ARHGAP35: variants seen among roughly 807,000 people sequenced by gnomAD.
The protein encoded by ARHGAP35 is rho GTPase-activating protein 35.
ARHGAP35 carries 15 observed loss-of-function variants against 111.1 expected under a neutral mutation model. The ratio of observed to expected loss-of-function variants is 0.13; its 90% CI spans 0.09 to 0.21. The LOEUF (loss-of-function observed/expected upper bound fraction) is 0.21. Among genes scored for constraint, ARHGAP35 ranks in the 10% least tolerant of loss-of-function variants. The pLI is 1.00. For synonymous variants in ARHGAP35, 643 were observed against 710.3 expected (o/e 0.91, Z 1.51); for missense variants, 1,262 against 1,873.0 (o/e 0.67, Z 6.02).
intron 1 of ARHGAP35, among the ~76,000 whole-genome samples, chr19:46,912,356 C>CT (rs910736508): frequency 3.3e-4 from 47 of 142,298 alleles, no homozygotes; most frequent in Middle Eastern, 4.2e-3. Flanking sequence ...TGTTCTCTTC[C>CT]TTTTTTTTTT....
chr19:46,912,941 T>C (rs1288035432), intron 1 of ARHGAP35, among the ~76,000 whole-genome samples: 3 of 152,128 alleles, frequency 2.0e-5, no homozygotes, highest in Non-Finnish European at 4.4e-5. Context: ...GAATGCTTTT[T>C]TGCTTTCTGT....
intron 3 of ARHGAP35, among the ~76,000 whole-genome samples, chr19:46,982,547 G>C (rs902173598): frequency 6.6e-6 from 1 of 151,906 alleles, no homozygotes; most frequent in Admixed American, 6.6e-5. Context: ...TTTTCATGCT[G>C]TTTGGAAGTG....
intron 3 of ARHGAP35, among the ~76,000 whole-genome samples, chr19:46,972,501 CTT>C (rs2056556224): frequency 6.6e-6 from 1 of 152,312 alleles, no homozygotes; most frequent in South Asian, 2.1e-4. Flanking sequence ...TTTCTTTAGA[CTT>C]AGGCGTGCGG....
chr19:46,967,018 G>A (rs1289228250), intron 3 of ARHGAP35, among the ~76,000 whole-genome samples: 1 of 152,174 alleles, frequency 6.6e-6, no homozygotes, highest in African/African-American at 2.4e-5. Flanking sequence ...GTCAGGTGTA[G>A]AGGTGAGAGG....
At chr19:46,982,204 C>T (rs1038172696) in intron 3 of ARHGAP35, among the ~76,000 whole-genome samples, 33 of 149,204 alleles carry the variant, frequency 2.2e-4, no homozygotes, top group Admixed American at 1.9e-3. Flanking sequence ...GAGCCGGGTG[C>T]GGTGGCTCAT....
chr19:46,936,934 G>A (rs148326321), intron 2 of ARHGAP35, among the ~76,000 whole-genome samples: 231 of 151,400 alleles, frequency 1.5e-3, no homozygotes, highest in African/African-American at 5.4e-3. Context: ...CCACCTCCTG[G>A]GTTCAAGCAA....
chr19:46,868,123 C>G (rs923070852), intron 1 of ARHGAP35, among the ~76,000 whole-genome samples: 4 of 152,216 alleles, frequency 2.6e-5, no homozygotes, highest in African/African-American at 9.6e-5. Context: ...CTGCCTCAGC[C>G]TCCCAAAGTG....
At chr19:46,941,159 A>G (rs1350818692) in intron 3 of ARHGAP35, among the ~76,000 whole-genome samples, 1 of 152,170 alleles carries the variant, frequency 6.6e-6, no homozygotes, top group African/African-American at 2.4e-5. Context: ...TATCAGAAGG[A>G]TGTGAACCAA....
At chr19:46,929,550 A>G (rs900906812) in intron 2 of ARHGAP35, among the ~76,000 whole-genome samples, 1 of 144,390 alleles carries the variant, frequency 6.9e-6, no homozygotes, top group Non-Finnish European at 1.5e-5. Context: ...GGCACTGTCC[A>G]TGTTCCAGAC....
chr19:47,003,961 G>T lies in ARHGAP35; in HGVS notation c.*3273G>T. 6.6e-6 allele frequency: 1 copy of T among 151,508 alleles called. No individual in the cohort carries two copies. The highest frequency in any genetic ancestry group is 1.5e-5 in the Non-Finnish European group (1 of 68,060). 9.4% of individuals were successfully genotyped at this position (151,508 alleles called of 1,614,324 possible). A position where few individuals can be genotyped will look rare whatever the true frequency, so the allele number is the denominator to read the frequency against. ...ACACACACACACACAAAACTTCACAGCAGGCCAGCTGCAGTGACTTGTCAT... is the reference window on the plus strand; with the variant it reads ...ACACACACACACACAAAACTTCACATCAGGCCAGCTGCAGTGACTTGTCAT... On this transcript the variant is annotated 3_prime_UTR_variant, in exon 7 of 7. Transcript: ENST00000672722.
intron 1 of ARHGAP35, among the ~76,000 whole-genome samples, chr19:46,877,745 T>G (rs1449737859): frequency 6.6e-6 from 1 of 152,048 alleles, no homozygotes; most frequent in African/African-American, 2.4e-5. Context: ...TCGCTCTTGT[T>G]GGCCAGGCTG....
chr19:46,983,252 G>C (rs568403620), intron 3 of ARHGAP35, among the ~76,000 whole-genome samples: 1 of 152,032 alleles, frequency 6.6e-6, no homozygotes, highest in East Asian at 1.9e-4. Flanking sequence ...AATCCCATCT[G>C]TGCGACTCAC....
chr19:46,914,508 T>C (rs548175569), intron 1 of ARHGAP35, among the ~76,000 whole-genome samples: 38 of 152,010 alleles, frequency 2.5e-4, no homozygotes, highest in Non-Finnish European at 5.0e-4. Flanking sequence ...TCCCAGCTAC[T>C]TGGGATGCTG....
intron 1 of ARHGAP35, among the ~76,000 whole-genome samples, chr19:46,896,803 G>A (rs551292238): frequency 1.3e-5 from 2 of 152,218 alleles, no homozygotes; most frequent in Non-Finnish European, 2.9e-5. Flanking sequence ...AATATGGATT[G>A]TAGGGCATGA....
At position 46,905,253 on chromosome 19, in the gene ARHGAP35, C is replaced by T. The variant is rs556511603; in HGVS notation, c.-188-13235C>T. 2.3e-3 allele frequency among the ~76,000 whole-genome samples: 348 copies of T among 152,184 alleles called. 1 individual carries two copies. The highest frequency in any genetic ancestry group is 0.017 in the Middle Eastern group (5 of 294). Reference sequence around the variant, plus strand: ...CAAAAAGAAAACACTGTAGGTTGGGCGTGGTGGCTCACGCCTATAATCTCA... The same window carrying T: ...CAAAAAGAAAACACTGTAGGTTGGGTGTGGTGGCTCACGCCTATAATCTCA... On this transcript the variant is annotated intron_variant, in intron 1 of 6. Coordinates refer to ENST00000672722, the MANE Select transcript of ARHGAP35 (RefSeq NM_004491.5).
intron 1 of ARHGAP35, among the ~76,000 whole-genome samples, chr19:46,876,612 T>G (rs2055923588): frequency 6.6e-6 from 1 of 151,800 alleles, no homozygotes; most frequent in Non-Finnish European, 1.5e-5. Flanking sequence ...ACCTCATGAT[T>G]CACCTGCCTC....
At chr19:46,917,405 T>C (rs1167281841) in intron 1 of ARHGAP35, among the ~76,000 whole-genome samples, 1 of 152,090 alleles carries the variant, frequency 6.6e-6, no homozygotes, top group East Asian at 1.9e-4. Flanking sequence ...CCTAGGAGTT[T>C]GAAACCAGCC....
intron 3 of ARHGAP35, among the ~76,000 whole-genome samples, chr19:46,984,309 C>G (rs1207907750): frequency 6.6e-6 from 1 of 152,140 alleles, no homozygotes; most frequent in South Asian, 2.1e-4. Context: ...CCAGAGTCAC[C>G]CCTAGGGTGT....
At chr19:46,879,619 A>AAATAAATAAATAAATAAATAAATAAAT (rs1568459494) in intron 1 of ARHGAP35, among the ~76,000 whole-genome samples, 2 of 17,122 alleles carry the variant, frequency 1.2e-4, no homozygotes, top group Non-Finnish European at 2.1e-4. Flanking sequence ...AATAAATAAA[A>AAATAAATAAATAAATAAATAAATAAAT]ATAAAAATAC....
Sources: gnomAD v4.1 joint callset for allele counts (sites outside exome capture counted in the v4.1 genomes callset) on GRCh38, gnomAD v4.1.1 for gene constraint, MANE v1.5 for transcripts, NCBI Gene and HGNC (gene_info 2026-07-23, HGNC 2026-07-21) for gene names.